ABCA12: variants seen among roughly 807,000 people sequenced by gnomAD.
ABCA12 encodes the protein glucosylceramide transporter ABCA12.
In ABCA12, 156 loss-of-function variants were observed where a neutral mutation model predicts 293.5. That is an observed-to-expected ratio of 0.53 (90% CI 0.47 to 0.61). The LOEUF is 0.61. Ranked by LOEUF, ABCA12 falls within the 20% of genes least tolerant of loss-of-function variation. ABCA12 has a pLI of 0.00. For synonymous variants in ABCA12, 1,063 were observed against 1,108.0 expected, an observed-to-expected ratio of 0.96 and a Z score of 0.81; for missense variants, 2,797 against 3,090.2, an observed-to-expected ratio of 0.91 and a Z score of 2.25.
intron 1 of ABCA12, among the ~76,000 whole-genome samples, chr2:215,124,594 T>C (rs937957902): frequency 6.6e-6 from 1 of 152,206 alleles, no homozygotes; most frequent in African/African-American, 2.4e-5. Flanking sequence ...TGGCCATTTG[T>C]ATATCTTCTT....
At chr2:214,944,430 A>AT (rs992941071) in intron 49 of ABCA12, among the ~76,000 whole-genome samples, 4 of 124,752 alleles carry the variant, frequency 3.2e-5, no homozygotes, top group Non-Finnish European at 5.3e-5. Context: ...AAATTAAAAA[A>AT]TAAAAAAAAA....
intron 9 of ABCA12, among the ~76,000 whole-genome samples, chr2:215,028,582 A>T (rs183678789): frequency 1.3e-5 from 2 of 152,330 alleles, no homozygotes. Context: ...AATGCCATTG[A>T]TCAATTCACA....
At chr2:215,003,697 T>C (rs545980606) in intron 20 of ABCA12, among the ~76,000 whole-genome samples, 1 of 151,348 alleles carries the variant, frequency 6.6e-6, no homozygotes, top group Non-Finnish European at 1.5e-5. Flanking sequence ...GACAGGGTTT[T>C]ACTCCTGTCA....
chr2:214,938,543 G>C (rs1004917775), intron 50 of ABCA12, among the ~76,000 whole-genome samples: 1 of 152,200 alleles, frequency 6.6e-6, no homozygotes, highest in Admixed American at 6.5e-5. Context: ...TCGCCACACT[G>C]TCTTCCACGA....
intron 38 of ABCA12, among the ~76,000 whole-genome samples, chr2:214,968,505 GCTA>G (rs999440888): frequency 3.9e-5 from 6 of 152,050 alleles, no homozygotes; most frequent in African/African-American, 1.4e-4. Flanking sequence ...TATGAGAAAT[GCTA>G]CTATGTATAC....
At chr2:215,090,065 TCTC>T (rs1702111094) in intron 2 of ABCA12, among the ~76,000 whole-genome samples, 1 of 152,126 alleles carries the variant, frequency 6.6e-6, no homozygotes, top group Admixed American at 6.5e-5. Context: ...TGAAATTCCT[TCTC>T]CTGGCTCAGA....
rs796403266 is a variant in ABCA12 at position 215,081,493 on chromosome 2, GAA to G, written c.164-17276_164-17275del. 3.8e-5 allele frequency among the ~76,000 whole-genome samples: 5 copies of G among 130,482 alleles called. 1 individual carries two copies. Among genetic ancestry groups the G allele is most frequent in the Non-Finnish European group, 7.8e-5 (5 of 64,054 alleles). The allele number at this position is 130,482 out of a possible 152,430, so 85.6% of individuals were successfully genotyped here. ...GACTCTGTCTCAAAAAAAAAAAAAA[GAA>G]AAAGAAAAAAGAAAAAGAAAAAAGA... On this transcript the variant is annotated intron_variant, in intron 2 of 52. Transcript: ENST00000272895.
At chr2:215,036,168 G>T (rs1700987477) in intron 8 of ABCA12, among the ~76,000 whole-genome samples, 1 of 152,086 alleles carries the variant, frequency 6.6e-6, no homozygotes, top group Non-Finnish European at 1.5e-5. Context: ...ACAGAAAATG[G>T]CATCCAAGAG....
intron 15 of ABCA12, among the ~76,000 whole-genome samples, chr2:215,015,241 A>T (rs1700466048): frequency 7.1e-6 from 1 of 140,878 alleles, no homozygotes; most frequent in African/African-American, 2.7e-5. Flanking sequence ...GTACATATTA[A>T]ATTTAATAAT....
Position 215,138,298 on chromosome 2 carries a change from G to A in ABCA12, c.-90C>T. On this transcript the variant is annotated 5_prime_UTR_variant, in exon 1 of 53. Coordinates refer to ENST00000272895, the MANE Select transcript of ABCA12 (RefSeq NM_173076.3). ...GCCCCGTCCAACTTGCTGTATGTCAGTGTATCAGTACCCCTTTCACGGCAT... is the reference window on the plus strand; with the variant it reads ...GCCCCGTCCAACTTGCTGTATGTCAATGTATCAGTACCCCTTTCACGGCAT... 7.5e-7 allele frequency: 1 copy of A among 1,332,786 alleles called. No homozygotes were observed. Among genetic ancestry groups the A allele is most frequent in the Non-Finnish European group, 1.1e-6 (1 of 924,352 alleles). 82.6% of individuals were successfully genotyped at this position (1,332,786 alleles called of 1,614,324 possible).
intron 48 of ABCA12, 109 bp downstream of exon 48, chr2:214,947,309 TAGTG>T: frequency 6.8e-7 from 1 of 1,464,256 alleles, no homozygotes; most frequent in East Asian, 2.3e-5. Flanking sequence ...AGCTAGCACA[TAGTG>T]AGACCTCAAT....
At chr2:215,100,448 T>C (rs574115487) in intron 2 of ABCA12, among the ~76,000 whole-genome samples, 1 of 152,320 alleles carries the variant, frequency 6.6e-6, no homozygotes, top group Admixed American at 6.5e-5. Flanking sequence ...CTTTTCCTTT[T>C]TAAACATCCA....
chr2:214,968,864 G>T, intron 37 of ABCA12, 57 bp from the exon 38 acceptor site: 1 of 1,494,734 alleles, frequency 6.7e-7, no homozygotes, highest in Non-Finnish European at 9.3e-7. Flanking sequence ...TTCTTAAATA[G>T]ATCTAAAATA....
At chr2:215,090,397 C>T (rs997081916) in intron 2 of ABCA12, among the ~76,000 whole-genome samples, 2 of 152,158 alleles carry the variant, frequency 1.3e-5, no homozygotes, top group African/African-American at 4.8e-5. Context: ...CACCTACCAC[C>T]TCGGGTCCTC....
intron 3 of ABCA12, among the ~76,000 whole-genome samples, 159 bp from the exon 4 acceptor site, chr2:215,054,823 G>A (rs11897420): frequency 0.035 from 5,348 of 152,046 alleles, 300 homozygotes; most frequent in African/African-American, 0.12. Context: ...ACACACCAAT[G>A]AATATATAAG....
At chr2:215,037,341 T>C (rs1356961287) in intron 7 of ABCA12, among the ~76,000 whole-genome samples, 1 of 152,186 alleles carries the variant, frequency 6.6e-6, no homozygotes, top group Non-Finnish European at 1.5e-5. Flanking sequence ...CATCAATTTT[T>C]TTCTAAGACT....
At position 215,010,315 on chromosome 2, in the gene ABCA12, G is replaced by A; in HGVS notation, c.2472+16C>T. The A allele has an allele frequency of 6.2e-7, 1 of 1,613,406 alleles. No homozygotes were observed. The highest frequency in any genetic ancestry group is 8.5e-7 in the Non-Finnish European group (1 of 1,179,468). On this transcript the variant is annotated intron_variant, in intron 18 of 52. Coordinates refer to ENST00000272895, the MANE Select transcript of ABCA12 (RefSeq NM_173076.3). ...TCTTAATAGTCAAAATAGAAACTGA[G>A]TTATAATGGTCAAACCTTTTCCATT... is the stretch of plus-strand genomic sequence containing the variant.
chr2:214,966,894 A>G lies in ABCA12; in HGVS notation c.5838T>C (p.Asn1946=). The change falls in exon 39 of 53, where the codon AAT becomes AAC. Residue 1946 remains asparagine, a synonymous_variant. Coordinates refer to ENST00000272895, the MANE Select transcript of ABCA12 (RefSeq NM_173076.3). ...TTGACATGTTAACTCGCAGAAGGAA[A>G]TTATTCAGGCTGTTGAGGTAAGCTG... The part of the protein sequence containing the change: ...SLPAYLNSLN[N]FLLRVNMSKY... 3.7e-6 allele frequency: 6 copies of G among 1,613,898 alleles called. No individual in the cohort carries two copies. The highest frequency in any genetic ancestry group is 5.1e-6 in the Non-Finnish European group (6 of 1,179,826).
chr2:214,995,317 G>A (rs1306836931), intron 23 of ABCA12, among the ~76,000 whole-genome samples: 3 of 152,128 alleles, frequency 2.0e-5, no homozygotes, highest in Non-Finnish European at 4.4e-5. Flanking sequence ...GAAAGAAGTA[G>A]GACTTGGGCA....
Sources: allele counts gnomAD v4.1 joint callset (sites outside exome capture counted in the v4.1 genomes callset), GRCh38; gene constraint gnomAD v4.1.1; transcripts MANE v1.5; gene names NCBI Gene and HGNC (gene_info 2026-07-23, HGNC 2026-07-21).